Variants in MAP2 observed in about 807,000 individuals in gnomAD.
The protein encoded by MAP2 is microtubule associated protein 2, also known as microtubule-associated protein 2.
In MAP2, 14 loss-of-function variants were observed where a neutral mutation model predicts 137.6. That is an observed-to-expected ratio of 0.10 (90% CI 0.07 to 0.16). The LOEUF is 0.16. Ranked by LOEUF, MAP2 falls within the 10% of genes least tolerant of loss-of-function variation. The pLI, the probability that MAP2 is intolerant of heterozygous loss-of-function variation, is 1.00. For missense variants in MAP2, 2,088 were observed against 2,191.5 expected (o/e 0.95, Z 0.94); for synonymous variants, 786 against 782.3 (o/e 1.00, Z -0.08).
Position 209,696,662 on chromosome 2 carries a change from G to C in MAP2, c.4301G>C (p.Gly1434Ala). 6.2e-7 allele frequency: 1 copy of C among 1,613,850 alleles called. No homozygotes were observed. Among genetic ancestry groups the C allele is most frequent in the African/African-American group, 1.3e-5 (1 of 74,982 alleles). Residue 1434 changes from glycine to alanine, a missense_variant, in exon 9 of 16, where the codon GGG becomes GCG. By Grantham distance (60) the Gly-to-Ala change is moderately conservative (BLOSUM62 0). Coordinates refer to ENST00000682079, the MANE Select transcript of MAP2 (RefSeq NM_001375505.1). ...AGAAAAGAAAAGCCTTTTAAAACCGGGAGAGGCAGAATTTCCACTCCTGAA... is the reference window on the plus strand; with the variant it reads ...AGAAAAGAAAAGCCTTTTAAAACCGCGAGAGGCAGAATTTCCACTCCTGAA... The part of the protein sequence containing the change: ...KHRKEKPFKT[G>A]RGRISTPERK...
rs2059314971 is a variant in MAP2, at chr2:209,692,903, C to G, written c.733C>G (p.Leu245Val). The G allele has an allele frequency of 6.2e-7, 1 of 1,613,958 alleles. No homozygotes were observed. The highest frequency in any genetic ancestry group is 8.5e-7 in the Non-Finnish European group (1 of 1,179,970). The part of the protein sequence containing the change: ...EDMKQKTEPS[L>V]VVPGIDLPKE... ...CATGAAACAGAAGACAGAACCAAGC[C>G]TTGTAGTACCTGGCATTGACCTCCC... The change falls in exon 8 of 16, where the codon CTT becomes GTT. Residue 245 changes from leucine (L) to valine (V), a missense_variant. Leu to Val is a conservative substitution (Grantham distance 32). Around this residue, in one of 6 missense-constraint regions of MAP2, gnomAD observed 859 missense variants for 794.5 expected, o/e 1.08. Coordinates refer to ENST00000682079, the MANE Select transcript of MAP2 (RefSeq NM_001375505.1).
At chr2:209,435,988 TATTATATACTATATATACA>T (rs1165527788) in intron 1 of MAP2, among the ~76,000 whole-genome samples, 1 of 89,056 alleles carries the variant, frequency 1.1e-5, no homozygotes, top group Non-Finnish European at 2.0e-5. Flanking sequence ...ATACAGTATA[TATTATATACTATATATACA>T]GTATATATTA....
intron 1 of MAP2, among the ~76,000 whole-genome samples, chr2:209,504,379 G>C (rs1417893625): frequency 6.6e-6 from 1 of 152,186 alleles, no homozygotes; most frequent in Non-Finnish European, 1.5e-5. Context: ...AAGATATCAG[G>C]ATGCTGATTT....
chr2:209,705,588 A>T lies in MAP2; in HGVS notation c.4593A>T (p.Val1531=). 1 of 1,610,736 alleles carries T rather than the reference A, an allele frequency of 6.2e-7. No individual in the cohort carries two copies. The highest frequency in any genetic ancestry group is 2.2e-5 in the East Asian group (1 of 44,784). The part of the protein sequence containing the change: ...KQAKDKVSDG[V]TKSPEKRSSL... ...TTGTTTTCTCCAATCAGGACGGAGT[A>T]ACCAAGAGCCCAGAAAAGCGCTCTT... Residue 1531 remains valine (V), a synonymous_variant, in exon 12 of 16, where the codon GTA becomes GTT. Coordinates refer to ENST00000682079, the MANE Select transcript of MAP2 (RefSeq NM_001375505.1).
intron 1 of MAP2, among the ~76,000 whole-genome samples, chr2:209,471,342 T>C (rs1314971434): frequency 6.6e-6 from 1 of 152,202 alleles, no homozygotes; most frequent in African/African-American, 2.4e-5. Context: ...ACCTGTCTTC[T>C]CTACTAGATT....
intron 5 of MAP2, among the ~76,000 whole-genome samples, chr2:209,667,567 A>C (rs1385477276): frequency 6.6e-6 from 1 of 152,046 alleles, no homozygotes; most frequent in Non-Finnish European, 1.5e-5. Flanking sequence ...ACAAAGGTAC[A>C]AGTCCTGATT....
intron 6 of MAP2, among the ~76,000 whole-genome samples, chr2:209,679,983 T>C (rs1003674976): frequency 7.2e-5 from 11 of 152,136 alleles, no homozygotes; most frequent in African/African-American, 2.7e-4. Flanking sequence ...ATGAGAAATA[T>C]TTCCTTTTGA....
intron 4 of MAP2, among the ~76,000 whole-genome samples, chr2:209,635,662 C>T (rs1405277809): frequency 6.9e-6 from 1 of 145,728 alleles, no homozygotes. Flanking sequence ...AAATATTCTA[C>T]AAAATCAATT....
At chr2:209,459,242 A>T (rs1392539060) in intron 1 of MAP2, among the ~76,000 whole-genome samples, 1 of 152,092 alleles carries the variant, frequency 6.6e-6, no homozygotes, top group Non-Finnish European at 1.5e-5. Flanking sequence ...CTGTTTTCTC[A>T]TCTGTAAAAT....
chr2:209,476,835 A>C (rs1337915751), intron 1 of MAP2, among the ~76,000 whole-genome samples: 1 of 152,116 alleles, frequency 6.6e-6, no homozygotes, highest in African/African-American at 2.4e-5. Flanking sequence ...TCATTTTCTC[A>C]TTTGAGAAAA....
At chr2:209,510,714 A>T (rs559938699) in intron 2 of MAP2, among the ~76,000 whole-genome samples, 2 of 152,108 alleles carry the variant, frequency 1.3e-5, no homozygotes, top group African/African-American at 2.4e-5. Flanking sequence ...CTCATGGATC[A>T]TTAAAAATAT....
At chr2:209,665,747 T>G (rs1207964561) in intron 5 of MAP2, among the ~76,000 whole-genome samples, 2 of 152,166 alleles carry the variant, frequency 1.3e-5, no homozygotes, top group African/African-American at 2.4e-5. Flanking sequence ...AATTAGGAAT[T>G]TATACATTAA....
intron 4 of MAP2, among the ~76,000 whole-genome samples, chr2:209,629,076 C>T (rs908129221): frequency 1.3e-5 from 2 of 152,086 alleles, no homozygotes; most frequent in Non-Finnish European, 2.9e-5. Flanking sequence ...TTTATAATTG[C>T]AAGCCATAAT....
intron 1 of MAP2, among the ~76,000 whole-genome samples, chr2:209,469,558 G>A (rs1429542430): frequency 1.3e-5 from 2 of 151,884 alleles, no homozygotes; most frequent in African/African-American, 2.4e-5. Flanking sequence ...ATCTTGTTAG[G>A]AAGAGAAGCA....
intron 2 of MAP2, among the ~76,000 whole-genome samples, chr2:209,550,183 A>C (rs1326377453): frequency 6.6e-6 from 1 of 152,214 alleles, no homozygotes; most frequent in Non-Finnish European, 1.5e-5. Flanking sequence ...GGTATAAGAC[A>C]CTTAATAAAA....
At chr2:209,425,897 C>A (rs905698581) in intron 1 of MAP2, among the ~76,000 whole-genome samples, 4 of 152,132 alleles carry the variant, frequency 2.6e-5, no homozygotes, top group African/African-American at 9.7e-5. Flanking sequence ...GCCCTTTAAC[C>A]GGGCAATAGG....
rs748634936 is a variant in MAP2, at chr2:209,730,941, A to G, written c.*544A>G. Reference sequence around the variant, plus strand: ...AGTTATTAACATTTGGGACCTGGATAATTATATCAGAGTATGTCAGTCCAA... The same window carrying G: ...AGTTATTAACATTTGGGACCTGGATGATTATATCAGAGTATGTCAGTCCAA... On this transcript the variant is annotated 3_prime_UTR_variant, in exon 16 of 16. Coordinates refer to ENST00000682079, the MANE Select transcript of MAP2 (RefSeq NM_001375505.1). The G allele has an allele frequency of 6.5e-6, 1 of 154,220 alleles. No homozygotes were observed. Among genetic ancestry groups the G allele is most frequent in the Non-Finnish European group, 1.4e-5 (1 of 69,112 alleles). 9.6% of individuals were successfully genotyped at this position (154,220 alleles called of 1,614,324 possible). A position where few individuals can be genotyped will look rare whatever the true frequency, so the allele number is the denominator to read the frequency against.
At chr2:209,611,952 C>G (rs1191905976) in intron 3 of MAP2, among the ~76,000 whole-genome samples, 1 of 152,094 alleles carries the variant, frequency 6.6e-6, no homozygotes, top group Non-Finnish European at 1.5e-5. Flanking sequence ...GCGTGTATCA[C>G]TACCAAAAAT....
intron 2 of MAP2, among the ~76,000 whole-genome samples, chr2:209,519,870 A>G (rs2063028488): frequency 6.6e-6 from 1 of 152,076 alleles, no homozygotes; most frequent in Non-Finnish European, 1.5e-5. Flanking sequence ...CTTCACACTC[A>G]TAGTAACTTG....
Sources: allele counts gnomAD v4.1 joint callset (sites outside exome capture counted in the v4.1 genomes callset), GRCh38; gene constraint gnomAD v4.1.1; regional missense constraint gnomAD v4.1.1; transcripts MANE v1.5; gene names NCBI Gene and HGNC (gene_info 2026-07-23, HGNC 2026-07-21).